Variants in CHL1 observed in about 807,000 individuals in gnomAD.
The protein encoded by CHL1 is cell adhesion molecule L1 like, also known as neural cell adhesion molecule L1-like protein.
A neutral mutation model predicts 141.9 loss-of-function variants in CHL1; 96 were observed. The observed-to-expected ratio is 0.68, with a 90% CI of 0.57 to 0.80. The LOEUF is 0.80. Among genes scored for constraint, CHL1 ranks in the 30% least tolerant of loss-of-function variants. The pLI, the probability that CHL1 is intolerant of heterozygous loss-of-function variation, is 0.00. For missense variants in CHL1, 1,820 were observed against 1,457.2 expected, an observed-to-expected ratio of 1.25 and a Z score of -4.05; for synonymous variants, 613 against 502.2, an observed-to-expected ratio of 1.22 and a Z score of -2.95.
In CHL1 at chr3:383,938, T is replaced by C. The variant is rs1437424113; in HGVS notation, c.2247+52T>C. On this transcript the variant is annotated intron_variant, in intron 19 of 27. Transcript: ENST00000256509. ...TTTCTTTGTGCTTTTCTCTTCCTCTTAGGTCTGCATGCTAACTACAATGAT... is the reference window on the plus strand; with the variant it reads ...TTTCTTTGTGCTTTTCTCTTCCTCTCAGGTCTGCATGCTAACTACAATGAT... 4.1e-6 allele frequency: 5 copies of C among 1,222,636 alleles called. No individual in the cohort carries two copies. In the South Asian group the frequency reaches 6.6e-5, roughly 16 times the overall value. 75.7% of individuals were successfully genotyped at this position (1,222,636 alleles called of 1,614,324 possible).
chr3:390,987 T>C lies in CHL1; in HGVS notation c.2619T>C (p.Asp873=), dbSNP rs1307100462. Residue 873 remains aspartate (D), a synonymous_variant, in exon 22 of 28, where the codon GAT becomes GAC. Transcript: ENST00000256509. ...INWWKTKSLL[D]GRTHPKEVNI... Reference sequence around the variant, plus strand: ...GGTGGAAAACAAAAAGTCTGTTGGATGGAAGAACACATCCCAAAGAAGTGA... The same window carrying C: ...GGTGGAAAACAAAAAGTCTGTTGGACGGAAGAACACATCCCAAAGAAGTGA... The C allele has an allele frequency of 1.8e-5, 29 of 1,614,040 alleles. No homozygotes were observed. Among genetic ancestry groups the C allele is most frequent in the South Asian group, 7.7e-5 (7 of 91,092 alleles).
At chr3:358,460 C>G (rs1049317443) in intron 11 of CHL1, among the ~76,000 whole-genome samples, 1 of 152,124 alleles carries the variant, frequency 6.6e-6, no homozygotes, top group East Asian at 1.9e-4. Context: ...TCTGCAAGTC[C>G]CTTTTTTCCA....
intron 1 of CHL1, among the ~76,000 whole-genome samples, chr3:227,942 A>G (rs140447099): frequency 2.1e-3 from 315 of 152,356 alleles, no homozygotes; most frequent in African/African-American, 7.2e-3. Context: ...TGCTTCTTGC[A>G]GTTAACACCC....
At chr3:244,326 A>G (rs532844085) in intron 1 of CHL1, among the ~76,000 whole-genome samples, 1 of 152,316 alleles carries the variant, frequency 6.6e-6, no homozygotes, top group Non-Finnish European at 1.5e-5. Context: ...ACGTGAATTC[A>G]TGAGAGAAGA....
chr3:198,627 A>C (rs6773584), intron 1 of CHL1, among the ~76,000 whole-genome samples: 1 of 152,144 alleles, frequency 6.6e-6, no homozygotes, highest in Non-Finnish European at 1.5e-5. Context: ...ATTTAACACC[A>C]TAGATTTTTA....
In CHL1 at chr3:319,950, A is replaced by G. The variant is rs146351118; in HGVS notation, c.91+83A>G. The G allele has an allele frequency of 1.7e-4, 127 of 733,904 alleles. No individual in the cohort carries two copies. In the African/African-American group the frequency reaches 1.9e-3, roughly 11 times the overall value. 45.5% of individuals were successfully genotyped at this position (733,904 alleles called of 1,614,324 possible). ...TAAGTAGAATACTTATGGATTGAGGATGTGACTTTTCTACCATATTTCTAT... is the reference window on the plus strand; with the variant it reads ...TAAGTAGAATACTTATGGATTGAGGGTGTGACTTTTCTACCATATTTCTAT... On this transcript the variant is annotated intron_variant, in intron 3 of 27. Transcript: ENST00000256509.
rs367859227 is a variant in CHL1, at chr3:199,333, A to G, written c.-175+2270A>G. ...TTCAGGGTATGTTTGTACCCACTTC[A>G]CTGCAGCACAAGACTATGATGATGA... is the stretch of plus-strand genomic sequence containing the variant. On this transcript the variant is annotated intron_variant, in intron 1 of 27. Transcript: ENST00000256509. Among the ~76,000 whole-genome samples the G allele has an allele frequency of 3.0e-3, 451 of 152,330 alleles. 1 individual carries two copies. Among genetic ancestry groups the G allele is most frequent in the Non-Finnish European group, 5.7e-3 (391 of 68,034 alleles).
Position 365,977 on chromosome 3 carries a change from A to C in CHL1, c.1613A>C (p.Lys538Thr). The stretch of plus-strand genomic sequence containing the variant: ...GCTACAAAACTTAGAGTTTCTCCTA[A>C]GAATCCTCGTATCCCCAAATTGCAT... The part of the protein sequence containing the change: ...RNATKLRVSP[K>T]NPRIPKLHML... Residue 538 changes from lysine to threonine, a missense_variant, in exon 15 of 28, where the codon AAG (lysine) becomes ACG (threonine). Lys to Thr is a moderately conservative substitution (Grantham distance 78). Coordinates refer to ENST00000256509, the MANE Select transcript of CHL1 (RefSeq NM_006614.4). 3.1e-6 allele frequency: 5 copies of C among 1,613,520 alleles called. No homozygotes were observed. The highest frequency in any genetic ancestry group is 4.2e-6 in the Non-Finnish European group (5 of 1,179,628).
chr3:272,627 C>A (rs975412256), intron 2 of CHL1, among the ~76,000 whole-genome samples: 6 of 152,232 alleles, frequency 3.9e-5, no homozygotes, highest in Admixed American at 3.3e-4. Flanking sequence ...ATTAGAAATA[C>A]CGTAGAGTTG....
chr3:217,155 T>C (rs867655847), intron 1 of CHL1, among the ~76,000 whole-genome samples: 6 of 152,036 alleles, frequency 3.9e-5, no homozygotes, highest in Admixed American at 6.6e-5. Flanking sequence ...TATTAATAGA[T>C]TCATGCTGAA....
intron 2 of CHL1, among the ~76,000 whole-genome samples, chr3:258,588 T>C (rs1340921690): frequency 6.6e-6 from 1 of 152,224 alleles, no homozygotes; most frequent in Non-Finnish European, 1.5e-5. Flanking sequence ...CATTTTTTTC[T>C]TCAAGAAAAC....
rs148471468 is a variant in CHL1, at chr3:344,149, G to A, written c.728-440G>A. Among the ~76,000 whole-genome samples, 993 of 152,258 alleles carry A rather than the reference G, an allele frequency of 6.5e-3. 8 individuals carry two copies. The highest frequency in any genetic ancestry group is 0.011 in the South Asian group (53 of 4,822). On this transcript the variant is annotated intron_variant, in intron 8 of 27. Transcript: ENST00000256509. ...CTAGTGTCTACCACAGCCTTCCTCA[G>A]TGAGAATTTCTGAGTGCAGGAGTGA...
chr3:207,580 A>G (rs1333223721), intron 1 of CHL1, among the ~76,000 whole-genome samples: 2 of 152,358 alleles, frequency 1.3e-5, no homozygotes, highest in Admixed American at 6.5e-5. Context: ...CATATAGGCA[A>G]TAACAATTTT....
intron 14 of CHL1, among the ~76,000 whole-genome samples, chr3:364,683 T>C (rs1289040884): frequency 6.6e-6 from 1 of 152,064 alleles, no homozygotes; most frequent in African/African-American, 2.4e-5. Context: ...TGGAGTTAAG[T>C]GAGAGCCTAT....
intron 3 of CHL1, among the ~76,000 whole-genome samples, chr3:322,279 A>T (rs1160654635): frequency 6.7e-6 from 1 of 149,822 alleles, no homozygotes; most frequent in Non-Finnish European, 1.5e-5. Flanking sequence ...CACTTATCAG[A>T]TTTATCGGGC....
At chr3:267,602 A>G (rs1574911220) in intron 2 of CHL1, among the ~76,000 whole-genome samples, 1 of 152,180 alleles carries the variant, frequency 6.6e-6, no homozygotes, top group African/African-American at 2.4e-5. Context: ...AGGATGTAAA[A>G]TTGCCTTATA....
intron 27 of CHL1, among the ~76,000 whole-genome samples, chr3:403,160 G>A (rs1575310677): frequency 6.6e-6 from 1 of 152,190 alleles, no homozygotes; most frequent in African/African-American, 2.4e-5. Flanking sequence ...TCACAGGCCA[G>A]AGGTCATTCC....
chr3:403,853 G>T (rs1018908599), intron 27 of CHL1, among the ~76,000 whole-genome samples: 2 of 152,114 alleles, frequency 1.3e-5, no homozygotes, highest in African/African-American at 2.4e-5. Flanking sequence ...CCTTGCATAA[G>T]TCCTCATTCT....
chr3:401,332 T>C (rs1709109991), intron 26 of CHL1, among the ~76,000 whole-genome samples: 1 of 152,232 alleles, frequency 6.6e-6, no homozygotes, highest in Admixed American at 6.5e-5. Context: ...CAAACTCAGT[T>C]GGGCTCTTCC....
Sources: allele counts gnomAD v4.1 joint callset (sites outside exome capture counted in the v4.1 genomes callset), GRCh38; gene constraint gnomAD v4.1.1; transcripts MANE v1.5; gene names NCBI Gene and HGNC (gene_info 2026-07-23, HGNC 2026-07-21).